The following USH1C variants were observed in gnomAD, a reference collection of about 807,000 sequenced individuals.
The protein encoded by USH1C is harmonin.
In USH1C, 90 loss-of-function variants were observed where a neutral mutation model predicts 119.3. The observed-to-expected ratio is 0.75, with a 90% CI of 0.64 to 0.90. USH1C has a LOEUF of 0.90. Among genes scored for constraint, USH1C ranks in the 40% least tolerant of loss-of-function variants. The pLI is 0.00. For synonymous variants in USH1C, 465 were observed against 443.3 expected, an observed-to-expected ratio of 1.05 and a Z score of -0.62; for missense variants, 1,165 against 1,167.7, an observed-to-expected ratio of 1.00 and a Z score of 0.03.
At chr11:17,530,871 G>A (rs1850934172) in intron 4 of USH1C, among the ~76,000 whole-genome samples, 1 of 152,194 alleles carries the variant, frequency 6.6e-6, no homozygotes, top group Admixed American at 6.5e-5. Context: ...CTCTTGGGGA[G>A]TAGGGGAGGT....
In USH1C at chr11:17,498,251, C is replaced by A. The variant is rs371257969; in HGVS notation, c.2401G>T (p.Glu801Ter). The change falls in exon 24 of 27, where the codon GAG becomes TAG. Residue 801 changes from glutamate to a stop codon, truncating the protein, a stop_gained. Coordinates refer to ENST00000005226, the MANE Select transcript of USH1C (RefSeq NM_153676.4). LOFTEE classifies it high-confidence loss of function. The part of the protein sequence containing the change: ...ERHGGIVKGD[E>*]IMAINGKIVT... ...ATCTTGCCGTTGATTGCCATGATCT[C>A]GTCCCCTTTCACAATGCCACCTGCA... is the stretch of plus-strand genomic sequence containing the variant. The A allele has an allele frequency of 1.2e-5, 19 of 1,614,074 alleles. No individual in the cohort carries two copies. Among genetic ancestry groups the A allele is most frequent in the Non-Finnish European group, 1.5e-5 (18 of 1,180,034 alleles).
intron 19 of USH1C, 116 bp downstream of exon 19, chr11:17,505,714 T>A: frequency 6.8e-7 from 1 of 1,472,984 alleles, no homozygotes; most frequent in East Asian, 2.4e-5. Context: ...AGAGATGGCA[T>A]CTGTGATCTG....
chr11:17,501,460 C>A (rs199537540), intron 22 of USH1C, 22 bp downstream of exon 22: 3 of 1,609,800 alleles, frequency 1.9e-6, no homozygotes, highest in African/African-American at 2.7e-5. Context: ...GGCGGCCCAC[C>A]GGCCTCCACA....
rs746527367 is a variant in USH1C, at chr11:17,517,402, T to C, written c.1211-1112A>G. On this transcript the variant is annotated intron_variant, in intron 14 of 26. Transcript: ENST00000005226. ...AGGGAGCAAAGCGGGGACGCGAACC[T>C]GCTCTCCCTGCTCCTCCGTGCCTCC... 3.8e-6 allele frequency: 6 copies of C among 1,581,250 alleles called. No homozygotes were observed. The highest frequency in any genetic ancestry group is 4.3e-6 in the Non-Finnish European group (5 of 1,162,870).
chr11:17,498,965 T>C (rs1849341919), intron 23 of USH1C, among the ~76,000 whole-genome samples: 2 of 152,206 alleles, frequency 1.3e-5, no homozygotes, highest in African/African-American at 4.8e-5. Flanking sequence ...TCAGTAGATA[T>C]TTGTTGAATA....
At chr11:17,507,133 T>C (rs960867209) in intron 18 of USH1C, among the ~76,000 whole-genome samples, 4 of 152,136 alleles carry the variant, frequency 2.6e-5, no homozygotes, top group African/African-American at 9.7e-5. Flanking sequence ...GCTGACTGTG[T>C]GGGCGTGTGG....
intron 15 of USH1C, among the ~76,000 whole-genome samples, chr11:17,513,742 C>CT (rs1850007772): frequency 6.6e-6 from 1 of 152,018 alleles, no homozygotes; most frequent in South Asian, 2.1e-4. Context: ...GAAACACTGC[C>CT]TAATGGTAGC....
At chr11:17,498,104 G>A in intron 24 of USH1C, 58 bp downstream of exon 24, 2 of 1,516,926 alleles carry the variant, frequency 1.3e-6, no homozygotes, top group Non-Finnish European at 1.8e-6. Context: ...TGGCTGCAGA[G>A]GCCAGGGTTT....
Position 17,521,499 on chromosome 11 carries a change from T to C in USH1C, c.1020-88A>G, listed in dbSNP as rs548719572. 3.7e-4 allele frequency: 550 copies of C among 1,480,660 alleles called. 2 individuals carry two copies. The highest frequency in any genetic ancestry group is 2.3e-4 in the Non-Finnish European group (247 of 1,060,156). The allele number at this position is 1,480,660 out of a possible 1,614,324, so 91.7% of individuals were successfully genotyped here. A position where few individuals can be genotyped will look rare whatever the true frequency, so the allele number is the denominator to read the frequency against. ...TGTGAATTCTTGATTTGGAGAAAAG[T>C]TGGATTTTTCTCCAGGCTCCCTTCC... On this transcript the variant is annotated intron_variant, in intron 12 of 26. Transcript: ENST00000005226.
chr11:17,498,347 G>A (rs1369525614), intron 23 of USH1C, 76 bp from the exon 24 acceptor site: 1 of 1,316,242 alleles, frequency 7.6e-7, no homozygotes, highest in Non-Finnish European at 1.1e-6. Context: ...GCAAAGGGGG[G>A]TCATTGCCAG....
At position 17,521,985 on chromosome 11, in the gene USH1C, T is replaced by C. The variant is rs376043185; in HGVS notation, c.1020-574A>G. On this transcript the variant is annotated intron_variant, in intron 12 of 26. Transcript: ENST00000005226. Reference sequence around the variant, plus strand: ...CTGGGATTACAGTCGCATGCCACTATGCCCAGCTAATTTTTTTTTGTATTT... The same window carrying C: ...CTGGGATTACAGTCGCATGCCACTACGCCCAGCTAATTTTTTTTTGTATTT... Among the ~76,000 whole-genome samples the C allele has an allele frequency of 4.6e-5, 7 of 152,218 alleles. No homozygotes were observed. In the South Asian group the frequency reaches 6.2e-4, roughly 14 times the overall value.
Position 17,526,768 on chromosome 11 carries a change from A to G in USH1C, c.564T>C (p.Phe188=). The change falls in exon 7 of 27, where the codon TTT becomes TTC. Residue 188 remains phenylalanine (F), a synonymous_variant. Transcript: ENST00000005226. ...TGGCCCTTACCCCAGATTCCGACACAAACTGATCCACATACTGCCAAGTGA... is the reference window on the plus strand; with the variant it reads ...TGGCCCTTACCCCAGATTCCGACACGAACTGATCCACATACTGCCAAGTGA... ...EPLTWQYVDQ[F]VSESGGVRGS... is the part of the protein sequence containing the mutation. The G allele has an allele frequency of 6.2e-7, 1 of 1,614,142 alleles. No homozygotes were observed. Among genetic ancestry groups the G allele is most frequent in the Admixed American group, 1.7e-5 (1 of 60,026 alleles).
intron 18 of USH1C, among the ~76,000 whole-genome samples, chr11:17,508,743 C>G (rs1849744303): frequency 2.0e-5 from 3 of 152,102 alleles, no homozygotes. Flanking sequence ...TAGGAACTCT[C>G]TCATCTTCAT....
chr11:17,501,161 GA>G lies in USH1C; in HGVS notation c.2281-12del, dbSNP rs777852556. Reference sequence around the variant, plus strand: ...GTCTAAGGATCCCTCCTGGTTAGAGGAAAACAGGCCTTAGGGAGCCAAGCAG... The same window carrying G: ...GTCTAAGGATCCCTCCTGGTTAGAGGAAACAGGCCTTAGGGAGCCAAGCAG... On this transcript the variant is annotated splice_polypyrimidine_tract_variant and intron_variant, in intron 22 of 26. Transcript: ENST00000005226. 4 of 1,608,840 alleles carry G rather than the reference GA, an allele frequency of 2.5e-6. No homozygotes were observed. The African/African-American group carries it at 5.4e-5, about 22-fold the overall frequency.
At position 17,531,123 on chromosome 11, in the gene USH1C, G is replaced by A. The variant is rs375342004; in HGVS notation, c.387+31C>T. On this transcript the variant is annotated intron_variant, in intron 4 of 26. Transcript: ENST00000005226. The surrounding 1 kb of genome is among the most constrained non-coding windows in gnomAD (Gnocchi z 4.2). ...GGGAGGCAGGAGGTCCGAGGCCCTC[G>A]CTCCCCCTCCCCCGGACTCTGTTTG... 204 of 1,613,382 alleles carry A rather than the reference G, an allele frequency of 1.3e-4. No individual in the cohort carries two copies. The highest frequency in any genetic ancestry group is 1.5e-4 in the Non-Finnish European group (181 of 1,179,916).
chr11:17,514,913 C>T (rs1343049696), intron 15 of USH1C, among the ~76,000 whole-genome samples: 1 of 151,350 alleles, frequency 6.6e-6, no homozygotes, highest in Non-Finnish European at 1.5e-5. Flanking sequence ...ACAGCACTTT[C>T]AAGGACATGA....
Position 17,498,273 on chromosome 11 carries a change from T to G in USH1C, c.2381-2A>C, listed in dbSNP as rs1465352266. 1 of 1,613,906 alleles carries G rather than the reference T, an allele frequency of 6.2e-7. No individual in the cohort carries two copies. Among genetic ancestry groups the G allele is most frequent in the Non-Finnish European group, 8.5e-7 (1 of 1,179,902 alleles). ...TCTCGTCCCCTTTCACAATGCCACC[T>G]GCAGGCAGATGAGGCTGATTGGCCA... is the stretch of plus-strand genomic sequence containing the variant. On this transcript the variant is annotated splice_acceptor_variant, in intron 23 of 26. Transcript: ENST00000005226. LOFTEE classifies it high-confidence loss of function.
At chr11:17,526,500 G>A in intron 7 of USH1C, 59 bp from the exon 8 acceptor site, 1 of 1,468,154 alleles carries the variant, frequency 6.8e-7, no homozygotes. Flanking sequence ...GCGGCCTCTT[G>A]AGCTTGTGGG....
chr11:17,500,002 G>A (rs949259103), intron 23 of USH1C, among the ~76,000 whole-genome samples: 2 of 152,144 alleles, frequency 1.3e-5, no homozygotes, highest in African/African-American at 2.4e-5. Context: ...CTCCACAAAG[G>A]GCCACAAAGG....
Sources: allele counts gnomAD v4.1 joint callset (sites outside exome capture counted in the v4.1 genomes callset), GRCh38; gene constraint gnomAD v4.1.1; non-coding constraint Gnocchi (gnomAD v3.1); transcripts MANE v1.5; gene names NCBI Gene and HGNC (gene_info 2026-07-23, HGNC 2026-07-21).